Variants in ASAH2B observed in about 807,000 individuals in gnomAD.
ASAH2B encodes the protein N-acylsphingosine amidohydrolase 2B.
In ASAH2B, 1 loss-of-function variant was observed where a neutral mutation model predicts 2.9. The ratio of observed to expected loss-of-function variants is 0.34; its 90% CI spans 0.12 to 1.63. ASAH2B has a LOEUF of 1.63. Among genes scored for constraint, ASAH2B ranks in the 40% most tolerant of loss-of-function variants. ASAH2B has a pLI of 0.36. For synonymous variants in ASAH2B, 4 were observed against 13.3 expected, an observed-to-expected ratio of 0.30 and a Z score of 1.52; for missense variants, 9 against 37.7, an observed-to-expected ratio of 0.24 and a Z score of 1.99.
At position 50,759,114 on chromosome 10, in the gene ASAH2B, A is replaced by T. The variant is rs1395209467; in HGVS notation, c.*4374A>T. The stretch of plus-strand genomic sequence containing the variant: ...GTTAGAGTATAAGGAAAGAGTTGAC[A>T]GTGAGGCAGCACCAAACTTTACCTT... On this transcript the variant is annotated 3_prime_UTR_variant, in exon 6 of 6. Transcript: ENST00000647317. 6.9e-6 allele frequency: 1 copy of T among 145,778 alleles called. No homozygotes were observed. The highest frequency in any genetic ancestry group is 2.4e-5 in the African/African-American group (1 of 41,004). 9.0% of individuals were successfully genotyped at this position (145,778 alleles called of 1,614,324 possible). A position where few individuals can be genotyped will look rare whatever the true frequency, so the allele number is the denominator to read the frequency against.
chr10:50,740,190 G>T (rs1276495322), intron 1 of ASAH2B, among the ~76,000 whole-genome samples: 1 of 152,130 alleles, frequency 6.6e-6, no homozygotes. Context: ...AGAGCCTGAC[G>T]GGGAGGGAAG....
rs1027014532 is a variant in ASAH2B at position 50,758,606 on chromosome 10, A to G, written c.*3866A>G. The G allele has an allele frequency of 5.3e-5, 8 of 151,824 alleles. No homozygotes were observed. Among genetic ancestry groups the G allele is most frequent in the African/African-American group, 1.7e-4 (7 of 41,392 alleles). 9.4% of individuals were successfully genotyped at this position (151,824 alleles called of 1,614,324 possible). On this transcript the variant is annotated 3_prime_UTR_variant, in exon 6 of 6. Coordinates refer to ENST00000647317, the MANE Select transcript of ASAH2B (RefSeq NM_001321958.2). ...AAATAATTAGAACTCGTTTTACTCT[A>G]GAAAATATATTTTGGAAAAGAACAC...
rs1370082299 is a variant in ASAH2B, at chr10:50,757,104, G to A, written c.*2364G>A. On this transcript the variant is annotated 3_prime_UTR_variant, in exon 6 of 6. Transcript: ENST00000647317. ...AAGCACTGAATAATCTCTTTGCCGG[G>A]TCTAGATTTTTTGATGAGTACTGTG... 1 of 151,238 alleles carries A rather than the reference G, an allele frequency of 6.6e-6. No homozygotes were observed. Among genetic ancestry groups the A allele is most frequent in the Non-Finnish European group, 1.5e-5 (1 of 67,690 alleles). 9.4% of individuals were successfully genotyped at this position (151,238 alleles called of 1,614,324 possible).
At position 50,753,107 on chromosome 10, in the gene ASAH2B, A is replaced by C. The variant is rs1234399540; in HGVS notation, c.293+551A>C. 6.8e-4 allele frequency among the ~76,000 whole-genome samples: 102 copies of C among 149,092 alleles called. 6 individuals carry two copies. The highest frequency in any genetic ancestry group is 2.4e-3 in the African/African-American group (94 of 39,704). ...GAGACATATCTCTTTGCCTTTTGCT[A>C]CCAAATTCCTGAGCTGAATAGATAT... On this transcript the variant is annotated intron_variant, in intron 5 of 5. Coordinates refer to ENST00000647317, the MANE Select transcript of ASAH2B (RefSeq NM_001321958.2).
intron 2 of ASAH2B, chr10:50,744,614 A>G (rs1422028953): frequency 6.6e-6 from 1 of 151,628 alleles, no homozygotes; most frequent in African/African-American, 2.5e-5. Context: ...TTTGTGGGCA[A>G]TATAGATTAA....
At chr10:50,742,883 A>G in intron 1 of ASAH2B, 32 bp from the exon 2 acceptor site, 2 of 1,607,500 alleles carry the variant, frequency 1.2e-6, no homozygotes, top group Non-Finnish European at 1.7e-6. Flanking sequence ...AATATGCAGA[A>G]CCATATACAA....
At chr10:50,748,763 C>G (rs1259712316) in intron 3 of ASAH2B, among the ~76,000 whole-genome samples, 1 of 150,426 alleles carries the variant, frequency 6.6e-6, no homozygotes, top group East Asian at 1.9e-4. Context: ...TGCCGTGGCC[C>G]GTAAACTGAT....
intron 1 of ASAH2B, among the ~76,000 whole-genome samples, chr10:50,741,851 A>G (rs1430279141): frequency 6.6e-6 from 1 of 152,150 alleles, no homozygotes. Context: ...TTTGTGATTT[A>G]GAAAGGTCAA....
chr10:50,741,275 G>A (rs968194857), intron 1 of ASAH2B, among the ~76,000 whole-genome samples: 3 of 152,130 alleles, frequency 2.0e-5, no homozygotes, highest in Non-Finnish European at 2.9e-5. Flanking sequence ...ATATACTCCG[G>A]CAAGTATTGC....
chr10:50,742,596 G>T (rs1374350409), intron 1 of ASAH2B, among the ~76,000 whole-genome samples: 4 of 151,988 alleles, frequency 2.6e-5, no homozygotes, highest in African/African-American at 9.7e-5. Flanking sequence ...ATATGCCCTG[G>T]GGGAAAGCAC....
intron 1 of ASAH2B, among the ~76,000 whole-genome samples, chr10:50,740,413 TC>T (rs1285046360): frequency 1.3e-5 from 2 of 152,192 alleles, no homozygotes; most frequent in Non-Finnish European, 2.9e-5. Flanking sequence ...TGCCCAGCTC[TC>T]CTAACTCCCA....
rs375175607 is a variant in ASAH2B at position 50,740,662 on chromosome 10, A to G, written c.-100+679A>G. On this transcript the variant is annotated intron_variant, in intron 1 of 5. Coordinates refer to ENST00000647317, the MANE Select transcript of ASAH2B (RefSeq NM_001321958.2). ...ATCATAGATAGACCAAACATTTATT[A>G]AACGGAATTAATACAGGACCTTAAT... is the stretch of plus-strand genomic sequence containing the variant. 3.6e-4 allele frequency among the ~76,000 whole-genome samples: 55 copies of G among 152,352 alleles called. 2 individuals are homozygous for G. The South Asian group carries it at 0.01, about 29-fold the overall frequency.
In ASAH2B at chr10:50,747,528, C is replaced by T. The variant is rs1340056523; in HGVS notation, c.145-1815C>T. On this transcript the variant is annotated intron_variant, in intron 3 of 5. Transcript: ENST00000647317. ...TTTCCAATCTTAGTAGAAAAGTATT[C>T]AGTTTTTCACCATTTAGTATGATGT... Among the ~76,000 whole-genome samples, 3 of 151,568 alleles carry T rather than the reference C, an allele frequency of 2.0e-5. No homozygotes were observed. The East Asian group carries it at 5.8e-4, about 29-fold the overall frequency.
chr10:50,746,073 G>C (rs932878932), intron 3 of ASAH2B, among the ~76,000 whole-genome samples: 1 of 151,174 alleles, frequency 6.6e-6, no homozygotes, highest in Non-Finnish European at 1.5e-5. Flanking sequence ...TTGTACAGTA[G>C]CCCTCTTGAA....
intron 1 of ASAH2B, among the ~76,000 whole-genome samples, chr10:50,740,844 C>G (rs1289522725): frequency 1.3e-5 from 2 of 152,138 alleles, no homozygotes; most frequent in Non-Finnish European, 2.9e-5. Flanking sequence ...CTCTGTAAGT[C>G]CATGGGGTCT....
chr10:50,742,228 G>A (rs1839841756), intron 1 of ASAH2B, among the ~76,000 whole-genome samples: 1 of 152,170 alleles, frequency 6.6e-6, no homozygotes, highest in Non-Finnish European at 1.5e-5. Flanking sequence ...AAGATCTCAG[G>A]AGATTTGAAG....
At chr10:50,748,406 C>G (rs1361318482) in intron 3 of ASAH2B, among the ~76,000 whole-genome samples, 3 of 147,454 alleles carry the variant, frequency 2.0e-5, no homozygotes, top group South Asian at 2.2e-4. Flanking sequence ...AAATCCCTTC[C>G]TCACTTCCCC....
intron 3 of ASAH2B, among the ~76,000 whole-genome samples, chr10:50,745,507 ATCATGGAACTAT>A (rs1265692193): frequency 1.7e-5 from 2 of 117,720 alleles, no homozygotes; most frequent in African/African-American, 3.1e-5. Context: ...TAAGTGAATG[ATCATGGAACTAT>A]TCACTGGCAC....
chr10:50,741,739 GA>G (rs1839834261), intron 1 of ASAH2B, among the ~76,000 whole-genome samples: 1 of 152,142 alleles, frequency 6.6e-6, no homozygotes, highest in African/African-American at 2.4e-5. Flanking sequence ...CAGGTTAGCT[GA>G]TGGATAGTCT....
Sources: allele counts gnomAD v4.1 joint callset (sites outside exome capture counted in the v4.1 genomes callset), GRCh38; gene constraint gnomAD v4.1.1; transcripts MANE v1.5; gene names NCBI Gene and HGNC (gene_info 2026-07-23, HGNC 2026-07-21).